The following WDR72 variants were observed in gnomAD, a reference collection of about 807,000 sequenced individuals.
WDR72 encodes the protein WD repeat-containing protein 72.
Under a neutral mutation model 124.2 loss-of-function variants are expected in WDR72, and 120 were observed. The ratio of observed to expected loss-of-function variants is 0.97; its 90% CI spans 0.83 to 1.12. The LOEUF is 1.12. Ranked by LOEUF, WDR72 falls within the 50% of genes most tolerant of loss-of-function variation. WDR72 has a pLI of 0.00. For missense variants in WDR72, 1,387 were observed against 1,278.8 expected (o/e 1.08, Z -1.29); for synonymous variants, 452 against 441.7 (o/e 1.02, Z -0.29).
At chr15:53,577,548 T>C (rs1470061840) in intron 18 of WDR72, among the ~76,000 whole-genome samples, 1 of 152,166 alleles carries the variant, frequency 6.6e-6, no homozygotes, top group Non-Finnish European at 1.5e-5. Flanking sequence ...TTCTACCTTG[T>C]GTCTTAGCAC....
chr15:53,581,890 T>C (rs988132344), intron 18 of WDR72, among the ~76,000 whole-genome samples: 1 of 152,066 alleles, frequency 6.6e-6, no homozygotes, highest in African/African-American at 2.4e-5. Context: ...TAATTTTGAA[T>C]TACTGCTATA....
chr15:53,559,417 A>G (rs1894052739), intron 18 of WDR72, among the ~76,000 whole-genome samples: 1 of 152,166 alleles, frequency 6.6e-6, no homozygotes. Context: ...TTTCCTTACA[A>G]TATCTGTAGG....
chr15:53,646,097 C>T (rs929145822), intron 14 of WDR72, among the ~76,000 whole-genome samples: 31 of 152,118 alleles, frequency 2.0e-4, no homozygotes, highest in African/African-American at 7.5e-4. Flanking sequence ...GACTATTGTT[C>T]TGTAAATCAT....
At chr15:53,698,590 C>T (rs544312154) in intron 13 of WDR72, among the ~76,000 whole-genome samples, 1 of 152,156 alleles carries the variant, frequency 6.6e-6, no homozygotes, top group East Asian at 1.9e-4. Context: ...TAATATGATC[C>T]GAGGTCCTAT....
chr15:53,758,974 C>G (rs1001635770), intron 1 of WDR72, among the ~76,000 whole-genome samples: 1 of 152,058 alleles, frequency 6.6e-6, no homozygotes, highest in Non-Finnish European at 1.5e-5. Flanking sequence ...GACAGTCCCC[C>G]CTTTATCTTC....
chr15:53,584,160 A>T (rs543425795), intron 18 of WDR72, among the ~76,000 whole-genome samples: 2 of 152,182 alleles, frequency 1.3e-5, no homozygotes, highest in South Asian at 4.1e-4. Context: ...ACGATTACAG[A>T]TGAATAAAAG....
chr15:53,683,191 G>A (rs74015881), intron 13 of WDR72, among the ~76,000 whole-genome samples: 4,111 of 152,226 alleles, frequency 0.027, 107 homozygotes, highest in East Asian at 0.069. Context: ...ACAATTTGAG[G>A]TGAGATTTGG....
Position 53,515,024 on chromosome 15 carries a change from T to TATAC in WDR72, c.*2674_*2675insGTAT, listed in dbSNP as rs1555402376. On this transcript the variant is annotated 3_prime_UTR_variant, in exon 20 of 20. Transcript: ENST00000360509. ...GGGATATGCCATATATATATATATA[T>TATAC]ACACACATATATATGTGTATATATA... is the stretch of plus-strand genomic sequence containing the variant. The TATAC allele has an allele frequency of 9.8e-4, 133 of 135,904 alleles. 1 individual carries two copies. Among genetic ancestry groups the TATAC allele is most frequent in the African/African-American group, 4.5e-3 (131 of 29,056 alleles). The allele number at this position is 135,904 out of a possible 1,614,324, so 8.4% of individuals were successfully genotyped here.
upstream of WDR72, chr15:53,762,681 A>G (rs935931280): frequency 6.6e-6 from 1 of 152,112 alleles, no homozygotes; most frequent in Admixed American, 6.5e-5. Context: ...CATAGTTTTC[A>G]TAGTCGCAAA....
At chr15:53,718,621 T>C (rs1195253624) in intron 3 of WDR72, among the ~76,000 whole-genome samples, 1 of 151,926 alleles carries the variant, frequency 6.6e-6, no homozygotes, top group Non-Finnish European at 1.5e-5. Flanking sequence ...ATAAGTTACA[T>C]AGGTAAAAAT....
chr15:53,583,116 C>T (rs990539222), intron 18 of WDR72, among the ~76,000 whole-genome samples: 1 of 151,858 alleles, frequency 6.6e-6, no homozygotes, highest in African/African-American at 2.4e-5. Flanking sequence ...TAGGATGGGG[C>T]ATATAATCCA....
In WDR72 at chr15:53,555,240, C is replaced by T. The variant is rs79586820; in HGVS notation, c.3149-31918G>A. ...AAAAAAAAGGCAGGAAGTGTAAGTG[C>T]GGGAAGGGTAAGGAAACTGTGCACC... On this transcript the variant is annotated intron_variant, in intron 18 of 19. Coordinates refer to ENST00000360509, the MANE Select transcript of WDR72 (RefSeq NM_182758.4). Among the ~76,000 whole-genome samples the T allele has an allele frequency of 2.8e-3, 419 of 149,924 alleles. 3 individuals are homozygous for T. The highest frequency in any genetic ancestry group is 0.017 in the South Asian group (79 of 4,742).
chr15:53,661,506 G>A (rs1372222525), intron 14 of WDR72, among the ~76,000 whole-genome samples: 1 of 152,102 alleles, frequency 6.6e-6, no homozygotes, highest in Non-Finnish European at 1.5e-5. Flanking sequence ...CCTCTCCTTA[G>A]GTCCCTTCTT....
At chr15:53,574,177 T>C (rs746293348) in intron 18 of WDR72, among the ~76,000 whole-genome samples, 8 of 152,190 alleles carry the variant, frequency 5.3e-5, no homozygotes, top group Non-Finnish European at 8.8e-5. Flanking sequence ...TAAGTGACAA[T>C]TAAAAATCCA....
chr15:53,541,350 G>A (rs1206427241), intron 18 of WDR72, among the ~76,000 whole-genome samples: 1 of 152,114 alleles, frequency 6.6e-6, no homozygotes, highest in East Asian at 1.9e-4. Flanking sequence ...CCCCCGAGCA[G>A]CCTAACTGGG....
chr15:53,609,630 T>C, intron 16 of WDR72, 38 bp from the exon 17 acceptor site: 1 of 1,549,926 alleles, frequency 6.5e-7, no homozygotes, highest in Non-Finnish European at 8.9e-7. Context: ...CTTTAGAGTA[T>C]TAAAAATGGA....
intron 13 of WDR72, among the ~76,000 whole-genome samples, chr15:53,675,667 T>C (rs1399038574): frequency 1.3e-5 from 2 of 152,330 alleles, no homozygotes; most frequent in African/African-American, 4.8e-5. Flanking sequence ...AAGTTACTTA[T>C]TGGGTATAAT....
intron 14 of WDR72, among the ~76,000 whole-genome samples, chr15:53,622,833 G>T (rs1401477443): frequency 6.6e-6 from 1 of 151,930 alleles, no homozygotes; most frequent in African/African-American, 2.4e-5. Context: ...AAAAGAAAAT[G>T]TCAACAATAG....
chr15:53,528,286 T>C (rs1162602880), intron 18 of WDR72, among the ~76,000 whole-genome samples: 1 of 152,114 alleles, frequency 6.6e-6, no homozygotes, highest in Non-Finnish European at 1.5e-5. Flanking sequence ...TAGGACTTCC[T>C]GATTATATTT....
Sources: allele counts gnomAD v4.1 joint callset (sites outside exome capture counted in the v4.1 genomes callset), GRCh38; gene constraint gnomAD v4.1.1; transcripts MANE v1.5; gene names NCBI Gene and HGNC (gene_info 2026-07-23, HGNC 2026-07-21).